The following SLC35B3 variants were observed in gnomAD, a reference collection of about 807,000 sequenced individuals.
SLC35B3 encodes adenosine 3'-phospho 5'-phosphosulfate transporter 2.
SLC35B3 carries 35 observed loss-of-function variants against 44.1 expected under a neutral mutation model. The ratio of observed to expected loss-of-function variants is 0.79; its 90% CI spans 0.61 to 1.05. SLC35B3 has a LOEUF of 1.05. Among genes scored for constraint, SLC35B3 ranks in the 50% least tolerant of loss-of-function variants. The probability of loss-of-function intolerance (pLI) is 0.00; values close to 1 mark genes in which losing one functional copy is unlikely to be tolerated. For synonymous variants in SLC35B3, 146 were observed against 167.3 expected, an observed-to-expected ratio of 0.87 and a Z score of 0.98; for missense variants, 414 against 476.4, an observed-to-expected ratio of 0.87 and a Z score of 1.22.
chr6:8,413,847 A>T (rs1221786285), intron 10 of SLC35B3, 148 bp from the exon 10 acceptor site: 1 of 548,288 alleles, frequency 1.8e-6, no homozygotes, highest in Admixed American at 3.4e-5. Context: ...AAATAAAAAT[A>T]GTATTCTTAG....
chr6:8,422,270 T>C (rs1467054701), intron 5 of SLC35B3, among the ~76,000 whole-genome samples, 200 bp downstream of exon 4: 1 of 152,218 alleles, frequency 6.6e-6, no homozygotes, highest in African/African-American at 2.4e-5. Flanking sequence ...CCCACAGTGC[T>C]GGGATTACAG....
intron 7 of SLC35B3, among the ~76,000 whole-genome samples, chr6:8,418,568 A>G (rs918454488): frequency 6.4e-5 from 5 of 78,138 alleles, no homozygotes; most frequent in African/African-American, 3.0e-4. Flanking sequence ...AAAAAAAAAC[A>G]GTTACAAGAG....
intron 5 of SLC35B3, 140 bp downstream of exon 4, chr6:8,422,330 G>T: frequency 2.8e-6 from 2 of 717,378 alleles, no homozygotes; most frequent in Non-Finnish European, 4.5e-6. Context: ...ACCTTATTTT[G>T]GTAAGACATA....
rs180872232 is a variant in SLC35B3 at position 8,413,700 on chromosome 6, C to T, written c.1056-1G>A. On this transcript the variant is annotated splice_acceptor_variant, in intron 10 of 10. Transcript: ENST00000644923. LOFTEE classifies it high-confidence loss of function. ...AACTAACAAACCAGACCATACATACCTAAGAGAAAGAAATAAGGAAAAAAA... is the reference window on the plus strand; with the variant it reads ...AACTAACAAACCAGACCATACATACTTAAGAGAAAGAAATAAGGAAAAAAA... The T allele has an allele frequency of 6.7e-7, 1 of 1,499,782 alleles. No homozygotes were observed. The highest frequency in any genetic ancestry group is 2.3e-5 in the East Asian group (1 of 43,356). The allele number at this position is 1,499,782 out of a possible 1,614,324, so 92.9% of individuals were successfully genotyped here.
intron 9 of SLC35B3, among the ~76,000 whole-genome samples, chr6:8,415,586 C>A (rs1408111650): frequency 6.6e-6 from 1 of 152,172 alleles, no homozygotes. Flanking sequence ...CATCTTCCCA[C>A]TTGACTATGT....
chr6:8,423,075 C>T (rs1485457531), intron 4 of SLC35B3, among the ~76,000 whole-genome samples: 1 of 152,098 alleles, frequency 6.6e-6, no homozygotes, highest in African/African-American at 2.4e-5. Context: ...GCAACCTCTG[C>T]CTCACGGGTT....
In SLC35B3 at chr6:8,420,651, C is replaced by T. The variant is rs1581241398; in HGVS notation, c.682+70G>A. On this transcript the variant is annotated intron_variant, in intron 6 of 10. Transcript: ENST00000644923. The surrounding 1 kb of genome is among the most constrained non-coding windows in gnomAD (Gnocchi z 4.4). ...GTCACACTATCATTTAAAATGCTTA[C>T]AAAATATTCGAAATTCGTATTCTAA... is the stretch of plus-strand genomic sequence containing the variant. 4 of 1,194,454 alleles carry T rather than the reference C, an allele frequency of 3.3e-6. No homozygotes were observed. Among genetic ancestry groups the T allele is most frequent in the South Asian group, 1.4e-5 (1 of 73,556 alleles). The allele number at this position is 1,194,454 out of a possible 1,614,324, so 74.0% of individuals were successfully genotyped here.
chr6:8,417,748 T>C (rs1040261246), intron 7 of SLC35B3, among the ~76,000 whole-genome samples: 1 of 152,094 alleles, frequency 6.6e-6, no homozygotes, highest in African/African-American at 2.4e-5. Flanking sequence ...CATTTCTTTC[T>C]AGGCTTAATT....
rs1005180246 is a variant in SLC35B3, at chr6:8,433,014, A to G, written c.3+1371T>C. On this transcript the variant is annotated intron_variant, in intron 2 of 10. Transcript: ENST00000644923. The surrounding 1 kb of genome is among the most constrained non-coding windows in gnomAD (Gnocchi z 4.1). ...GTTCCTATATTCCCAATCTCACTTA[A>G]CAGTACCTAGTATGAAACACAAGCT... 1.3e-5 allele frequency among the ~76,000 whole-genome samples: 2 copies of G among 152,156 alleles called. No individual in the cohort carries two copies. The highest frequency in any genetic ancestry group is 4.8e-5 in the African/African-American group (2 of 41,438).
Position 8,429,868 on chromosome 6 carries a change from A to C in SLC35B3, c.293T>G (p.Leu98Ter), listed in dbSNP as rs1409377975. The stretch of plus-strand genomic sequence containing the variant: ...ACAAACATATAACTTTTTTACCTGT[A>C]AATACCCATAAATTAGGTAAAATAC... The change falls in exon 3 of 11, where the codon TTA (leucine) becomes TGA (stop). Residue 98 changes from leucine to a stop codon, truncating the protein, a stop_gained. Transcript: ENST00000644923. LOFTEE classifies it high-confidence loss of function. The C allele has an allele frequency of 1.3e-6, 2 of 1,565,272 alleles. No homozygotes were observed. The highest frequency in any genetic ancestry group is 1.7e-6 in the Non-Finnish European group (2 of 1,148,784).
chr6:8,430,502 T>C (rs1394917158), intron 2 of SLC35B3, among the ~76,000 whole-genome samples: 2 of 152,192 alleles, frequency 1.3e-5, no homozygotes, highest in Admixed American at 1.3e-4. Flanking sequence ...TCTTCACTTG[T>C]AGAGGAGTAA....
intron 2 of SLC35B3, among the ~76,000 whole-genome samples, chr6:8,431,398 G>C (rs1445468976): frequency 1.3e-5 from 2 of 152,090 alleles, no homozygotes; most frequent in African/African-American, 2.4e-5. Flanking sequence ...GCCAAAATTA[G>C]AGTCGCCTCT....
intron 10 of SLC35B3, 71 bp from the exon 10 acceptor site, chr6:8,413,770 G>T (rs1455130862): frequency 3.2e-6 from 3 of 951,574 alleles, no homozygotes; most frequent in African/African-American, 3.4e-5. Context: ...CACAGAATTT[G>T]TTAATATGTC....
At chr6:8,417,322 C>T (rs1762500708) in intron 8 of SLC35B3, 80 bp downstream of exon 7, 3 of 887,838 alleles carry the variant, frequency 3.4e-6, no homozygotes, top group Non-Finnish European at 5.3e-6. Context: ...ATGATAGCCT[C>T]TTTTGAACAA....
In SLC35B3 at chr6:8,412,302, C is replaced by T. The variant is rs1025711575; in HGVS notation, c.*1247G>A. On this transcript the variant is annotated 3_prime_UTR_variant, in exon 11 of 11. Coordinates refer to ENST00000644923, the MANE Select transcript of SLC35B3 (RefSeq NM_001370476.2). The stretch of plus-strand genomic sequence containing the variant: ...ATATAGCAGCCTGAATGTGCTAAGG[C>T]GGAAAATATTGTCCAAATTTGCTAA... Among the ~76,000 whole-genome samples, 10 of 152,084 alleles carry T rather than the reference C, an allele frequency of 6.6e-5. No homozygotes were observed. The highest frequency in any genetic ancestry group is 9.7e-5 in the African/African-American group (4 of 41,396).
chr6:8,432,699 T>C lies in SLC35B3; in HGVS notation c.3+1686A>G, dbSNP rs1288173919. The stretch of plus-strand genomic sequence containing the variant: ...TCACAGGATTTTGGTTAGGACTATA[T>C]GAAATAAATGTAAAATTGCCTGGCA... On this transcript the variant is annotated intron_variant, in intron 2 of 10. Coordinates refer to ENST00000644923, the MANE Select transcript of SLC35B3 (RefSeq NM_001370476.2). This position sits in a 1 kb window ranked among gnomAD's most constrained non-coding sequence, Gnocchi z 4.8. 6.6e-6 allele frequency among the ~76,000 whole-genome samples: 1 copy of C among 152,180 alleles called. No homozygotes were observed. Among genetic ancestry groups the C allele is most frequent in the East Asian group, 1.9e-4 (1 of 5,188 alleles).
At position 8,433,507 on chromosome 6, in the gene SLC35B3, A is replaced by T. The variant is rs1018383548; in HGVS notation, c.3+878T>A. ...TTTAGCAAGCACCATTTATTTAATC[A>T]ACGTTATTCAGCTCCTTTCCAACAC... On this transcript the variant is annotated intron_variant, in intron 2 of 10. Coordinates refer to ENST00000644923, the MANE Select transcript of SLC35B3 (RefSeq NM_001370476.2). This position sits in a 1 kb window ranked among gnomAD's most constrained non-coding sequence, Gnocchi z 4.1. Among the ~76,000 whole-genome samples, 1 of 152,168 alleles carries T rather than the reference A, an allele frequency of 6.6e-6. No homozygotes were observed. The highest frequency in any genetic ancestry group is 1.5e-5 in the Non-Finnish European group (1 of 68,034).
At chr6:8,425,985 G>A (rs141957046) in intron 4 of SLC35B3, among the ~76,000 whole-genome samples, 1 of 152,256 alleles carries the variant, frequency 6.6e-6, no homozygotes, top group East Asian at 1.9e-4. Flanking sequence ...AAATGATATT[G>A]TCAAACAAGC....
rs972768989 is a variant in SLC35B3, at chr6:8,418,483, A to T, written c.781-989T>A. On this transcript the variant is annotated intron_variant, in intron 7 of 10. Transcript: ENST00000644923. Reference sequence around the variant, plus strand: ...AAAATTAATGTAAACACACACACACACACACACATACACACACATAATTTT... The same window carrying T: ...AAAATTAATGTAAACACACACACACTCACACACATACACACACATAATTTT... Among the ~76,000 whole-genome samples, 10 of 151,786 alleles carry T rather than the reference A, an allele frequency of 6.6e-5. No individual in the cohort carries two copies. In the East Asian group the frequency reaches 1.4e-3, roughly 21 times the overall value.
Sources: gnomAD v4.1 joint callset for allele counts (sites outside exome capture counted in the v4.1 genomes callset) on GRCh38, gnomAD v4.1.1 for gene constraint, Gnocchi (gnomAD v3.1) non-coding constraint, MANE v1.5 for transcripts, NCBI Gene and HGNC (gene_info 2026-07-23, HGNC 2026-07-21) for gene names.